HLCS: variants seen among roughly 807,000 people sequenced by gnomAD.
HLCS encodes holocarboxylase synthetase, also known as biotin--protein ligase.
HLCS carries 53 observed loss-of-function variants against 75.0 expected under a neutral mutation model. That is an observed-to-expected ratio of 0.71 (90% CI 0.57 to 0.89). The LOEUF (loss-of-function observed/expected upper bound fraction) is 0.89, where lower values mean the gene tolerates loss of function less well. Ranked by LOEUF, HLCS falls within the 40% of genes least tolerant of loss-of-function variation. The probability of loss-of-function intolerance (pLI) is 0.00; values close to 1 mark genes in which losing one functional copy is unlikely to be tolerated. For missense variants in HLCS, 966 were observed against 1,074.0 expected, an observed-to-expected ratio of 0.90 and a Z score of 1.41; for synonymous variants, 431 against 428.6, an observed-to-expected ratio of 1.01 and a Z score of -0.07.
At chr21:36,770,087 G>A (rs1400530090) in intron 6 of HLCS, among the ~76,000 whole-genome samples, 3 of 149,238 alleles carry the variant, frequency 2.0e-5, no homozygotes, top group African/African-American at 7.4e-5. Flanking sequence ...CAACGTGGAA[G>A]AAAGGCTTGC....
intron 5 of HLCS, among the ~76,000 whole-genome samples, chr21:36,903,463 T>C (rs755902290): frequency 6.6e-6 from 1 of 152,132 alleles, no homozygotes; most frequent in Non-Finnish European, 1.5e-5. Context: ...GAGATACATA[T>C]AGGTGAATTA....
At chr21:36,924,657 G>A (rs2066323301) in intron 5 of HLCS, among the ~76,000 whole-genome samples, 1 of 152,186 alleles carries the variant, frequency 6.6e-6, no homozygotes, top group African/African-American at 2.4e-5. Flanking sequence ...TCCCCGCCCT[G>A]CCCTACTTAT....
chr21:36,988,837 G>A (rs547447693), intron 1 of HLCS, among the ~76,000 whole-genome samples: 1 of 152,176 alleles, frequency 6.6e-6, no homozygotes, highest in African/African-American at 2.4e-5. Flanking sequence ...TGTCATTTTT[G>A]TGCAGATTGT....
intron 4 of HLCS, among the ~76,000 whole-genome samples, chr21:36,932,591 T>C (rs1422624318): frequency 1.3e-5 from 2 of 152,180 alleles, no homozygotes; most frequent in Non-Finnish European, 2.9e-5. Flanking sequence ...TCCCCTGAGA[T>C]CAGATTTTAA....
At chr21:36,777,265 C>T (rs964498973) in intron 6 of HLCS, among the ~76,000 whole-genome samples, 5 of 152,072 alleles carry the variant, frequency 3.3e-5, no homozygotes, top group Non-Finnish European at 7.3e-5. Context: ...TTCCCCTCCC[C>T]GAACCCTTTG....
chr21:36,955,079 C>CA (rs1212674612), intron 2 of HLCS, among the ~76,000 whole-genome samples: 1 of 152,126 alleles, frequency 6.6e-6, no homozygotes, highest in Non-Finnish European at 1.5e-5. Context: ...CCCAACAAAA[C>CA]AGTTAACTGT....
intron 2 of HLCS, among the ~76,000 whole-genome samples, chr21:36,954,745 AAAAAACAAAAC>A (rs776576090): frequency 2.7e-4 from 8 of 30,110 alleles, no homozygotes; most frequent in Admixed American, 8.9e-4. Context: ...CTACTTATTA[AAAAAACAAAAC>A]AAAACAAAAC....
chr21:36,876,193 G>A (rs986358312), intron 6 of HLCS, among the ~76,000 whole-genome samples: 1 of 152,142 alleles, frequency 6.6e-6, no homozygotes, highest in South Asian at 2.1e-4. Flanking sequence ...CAGGCTGAGA[G>A]TGCGAGCCAA....
intron 6 of HLCS, among the ~76,000 whole-genome samples, chr21:36,790,797 T>C (rs2060838644): frequency 6.6e-6 from 1 of 152,166 alleles, no homozygotes. Context: ...AGTGTTTCTG[T>C]CAGCCTGCAG....
Position 36,805,659 on chromosome 21 carries a change from C to A in HLCS, c.1893-38374G>T, listed in dbSNP as rs868828249. On this transcript the variant is annotated intron_variant, in intron 6 of 10. Transcript: ENST00000674895. The stretch of plus-strand genomic sequence containing the variant: ...TAAATGAAGTGTAATAAGAATGCCG[C>A]TGACTGCCAAGGGAAGAGGGGCTCT... Among the ~76,000 whole-genome samples, 26 of 152,278 alleles carry A rather than the reference C, an allele frequency of 1.7e-4. No individual in the cohort carries two copies. The South Asian group carries it at 2.3e-3, about 13-fold the overall frequency.
At chr21:36,767,659 A>C (rs1044131535) in intron 6 of HLCS, among the ~76,000 whole-genome samples, 2 of 152,056 alleles carry the variant, frequency 1.3e-5, no homozygotes, top group South Asian at 2.1e-4. Context: ...TCAAGTGACA[A>C]CTAGCAATTC....
chr21:36,841,778 T>C (rs1374402810), intron 6 of HLCS, among the ~76,000 whole-genome samples: 1 of 152,250 alleles, frequency 6.6e-6, no homozygotes, highest in Non-Finnish European at 1.5e-5. Context: ...GGCTGGGCTC[T>C]GTTCTGCAGC....
intron 6 of HLCS, among the ~76,000 whole-genome samples, chr21:36,836,694 G>T (rs1299996532): frequency 6.6e-6 from 1 of 151,654 alleles, no homozygotes; most frequent in Admixed American, 6.6e-5. Context: ...CCATCAAAAA[G>T]TGGGCAAAGG....
chr21:36,976,804 T>C (rs1196243123), intron 1 of HLCS, among the ~76,000 whole-genome samples: 2 of 152,044 alleles, frequency 1.3e-5, no homozygotes, highest in Non-Finnish European at 2.9e-5. Flanking sequence ...TTTCCCCTCT[T>C]CCGAACCAGC....
chr21:36,783,821 A>ATAC (rs1491525757), intron 6 of HLCS, among the ~76,000 whole-genome samples: 1 of 143,268 alleles, frequency 7.0e-6, no homozygotes, highest in African/African-American at 2.5e-5. Context: ...ACACATGCAC[A>ATAC]TACACACACA....
intron 2 of HLCS, among the ~76,000 whole-genome samples, chr21:36,953,911 A>G (rs2067792184): frequency 6.6e-6 from 1 of 152,202 alleles, no homozygotes; most frequent in Non-Finnish European, 1.5e-5. Context: ...GAGGTAAAAA[A>G]TTCCCATGGT....
upstream of HLCS, among the ~76,000 whole-genome samples, chr21:36,970,700 T>A (rs1023252401): frequency 6.6e-6 from 1 of 151,636 alleles, no homozygotes; most frequent in Admixed American, 6.6e-5. Flanking sequence ...AGGAACTATG[T>A]AGAAAATCTT....
intron 2 of HLCS, among the ~76,000 whole-genome samples, chr21:36,952,954 C>T (rs1352529220): frequency 6.6e-6 from 1 of 152,194 alleles, no homozygotes; most frequent in Non-Finnish European, 1.5e-5. Context: ...GAACAGAACT[C>T]CCAGTTTCTG....
At chr21:36,813,669 A>C (rs2061576741) in intron 6 of HLCS, among the ~76,000 whole-genome samples, 1 of 152,256 alleles carries the variant, frequency 6.6e-6, no homozygotes, top group African/African-American at 2.4e-5. Flanking sequence ...ACAACTTATT[A>C]AATGACATAA....
Sources: allele counts gnomAD v4.1 joint callset (sites outside exome capture counted in the v4.1 genomes callset), GRCh38; gene constraint gnomAD v4.1.1; transcripts MANE v1.5; gene names NCBI Gene and HGNC (gene_info 2026-07-23, HGNC 2026-07-21).